The following KIRREL3 variants were observed in gnomAD, a reference collection of about 807,000 sequenced individuals.
The protein encoded by KIRREL3 is kirre like nephrin family adhesion molecule 3.
A neutral mutation model predicts 89.7 loss-of-function variants in KIRREL3; 36 were observed. The observed-to-expected ratio is 0.40, with a 90% CI of 0.31 to 0.53. The LOEUF is 0.53. Among genes scored for constraint, KIRREL3 ranks in the 20% least tolerant of loss-of-function variants. KIRREL3 has a pLI of 0.49. For synonymous variants in KIRREL3, 445 were observed against 441.4 expected (o/e 1.01, Z -0.10); for missense variants, 864 against 1,056.6 (o/e 0.82, Z 2.53).
In KIRREL3 at chr11:126,430,400, G is replaced by C. The variant is rs536425567; in HGVS notation, c.1696+1019C>G. 6.6e-6 allele frequency among the ~76,000 whole-genome samples: 1 copy of C among 152,118 alleles called. No individual in the cohort carries two copies. The highest frequency in any genetic ancestry group is 2.1e-4 in the South Asian group (1 of 4,828). ...GCGGAGGTTGCAGTGAGCTGAGATCGTGTCACTGCACTTCAGCCTGGCCAA... is the reference window on the plus strand; with the variant it reads ...GCGGAGGTTGCAGTGAGCTGAGATCCTGTCACTGCACTTCAGCCTGGCCAA... On this transcript the variant is annotated intron_variant, in intron 14 of 16. Transcript: ENST00000525144. This position sits in a 1 kb window ranked among gnomAD's most constrained non-coding sequence, Gnocchi z 6.6.
chr11:126,686,539 G>A lies in KIRREL3; in HGVS notation c.56-123627C>T, dbSNP rs541947455. On this transcript the variant is annotated intron_variant, in intron 1 of 16. Transcript: ENST00000525144. The surrounding 1 kb of genome is among the most constrained non-coding windows in gnomAD (Gnocchi z 4.7). ...CGGGGAGGGTGGGGAGGGACTGTGC[G>A]TTCCTGCGCATGTTACCCTACACTG... 7.9e-5 allele frequency among the ~76,000 whole-genome samples: 12 copies of A among 152,162 alleles called. No individual in the cohort carries two copies. The highest frequency in any genetic ancestry group is 2.1e-4 in the South Asian group (1 of 4,806).
chr11:126,950,781 A>G (rs1948753899), intron 1 of KIRREL3, among the ~76,000 whole-genome samples: 1 of 152,208 alleles, frequency 6.6e-6, no homozygotes, highest in Non-Finnish European at 1.5e-5. Flanking sequence ...CAGCTTCTTA[A>G]GAGTCCCATT....
chr11:126,425,816 G>A (rs1565439603), intron 15 of KIRREL3, 92 bp from the exon 16 acceptor site: 2 of 1,030,050 alleles, frequency 1.9e-6, no homozygotes, highest in Admixed American at 2.1e-5. Flanking sequence ...TCAAAAGATT[G>A]CCCTGTATAA....
rs1166214016 is a variant in KIRREL3 at position 126,587,999 on chromosome 11, G to A, written c.56-25087C>T. ...ACTGGAAGACTCAGATCTAGGGCTC[G>A]GGGGAAAGCATTGGGCCATGAGGTA... is the stretch of plus-strand genomic sequence containing the variant. On this transcript the variant is annotated intron_variant, in intron 1 of 16. Transcript: ENST00000525144. This position sits in a 1 kb window ranked among gnomAD's most constrained non-coding sequence, Gnocchi z 5.2. 6.6e-6 allele frequency among the ~76,000 whole-genome samples: 1 copy of A among 152,128 alleles called. No individual in the cohort carries two copies.
chr11:126,947,253 C>T (rs979923943), intron 1 of KIRREL3, among the ~76,000 whole-genome samples: 1 of 152,198 alleles, frequency 6.6e-6, no homozygotes, highest in East Asian at 1.9e-4. Flanking sequence ...CTGAACACTG[C>T]TACTGCTATT....
rs1161925604 is a variant in KIRREL3 at position 126,587,065 on chromosome 11, A to T, written c.56-24153T>A. On this transcript the variant is annotated intron_variant, in intron 1 of 16. Coordinates refer to ENST00000525144, the MANE Select transcript of KIRREL3 (RefSeq NM_032531.4). The surrounding 1 kb of genome is among the most constrained non-coding windows in gnomAD (Gnocchi z 5.2). ...AGGGAGCTGGGAGTCAGTGGGAGAG[A>T]TGAATAAACAGGCAACGACGATGCA... Among the ~76,000 whole-genome samples the T allele has an allele frequency of 6.6e-6, 1 of 152,134 alleles. No homozygotes were observed. The highest frequency in any genetic ancestry group is 1.5e-5 in the Non-Finnish European group (1 of 68,032).
chr11:126,529,460 G>A (rs1958871187), intron 2 of KIRREL3, among the ~76,000 whole-genome samples: 1 of 152,108 alleles, frequency 6.6e-6, no homozygotes, highest in Admixed American at 6.5e-5. Flanking sequence ...ATGGGATGGG[G>A]CTGAGCGGGA....
intron 1 of KIRREL3, among the ~76,000 whole-genome samples, chr11:126,588,713 G>T (rs1487102614): frequency 6.6e-6 from 1 of 152,196 alleles, no homozygotes; most frequent in Non-Finnish European, 1.5e-5. Flanking sequence ...TGGTTCAAAG[G>T]TAAGGCCTAC....
In KIRREL3 at chr11:126,676,465, G is replaced by A. The variant is rs892459757; in HGVS notation, c.56-113553C>T. ...CTCTGCAGTTGGCCACACTGAGGCTGTTCTTTGACCAGTGTTTCTCAAATT... is the reference window on the plus strand; with the variant it reads ...CTCTGCAGTTGGCCACACTGAGGCTATTCTTTGACCAGTGTTTCTCAAATT... On this transcript the variant is annotated intron_variant, in intron 1 of 16. Transcript: ENST00000525144. This position sits in a 1 kb window ranked among gnomAD's most constrained non-coding sequence, Gnocchi z 4.5. 9.9e-5 allele frequency among the ~76,000 whole-genome samples: 15 copies of A among 152,278 alleles called. 1 individual carries two copies. In the East Asian group the frequency reaches 2.5e-3, roughly 25 times the overall value.
chr11:126,936,618 C>T (rs2135086826), intron 1 of KIRREL3: 1 of 149,508 alleles, frequency 6.7e-6, no homozygotes, highest in South Asian at 2.1e-4. Context: ...TACACGGATG[C>T]ACCTCAAAAC....
upstream of KIRREL3, chr11:127,003,348 G>T (rs1950349695): frequency 6.5e-6 from 1 of 152,686 alleles, no homozygotes; most frequent in Non-Finnish European, 1.5e-5. Flanking sequence ...CCTCCTCCGG[G>T]GGCTCGGTTA....
rs543907431 is a variant in KIRREL3, at chr11:126,475,397, G to C, written c.434-1931C>G. On this transcript the variant is annotated intron_variant, in intron 4 of 16. Coordinates refer to ENST00000525144, the MANE Select transcript of KIRREL3 (RefSeq NM_032531.4). The surrounding 1 kb of genome is among the most constrained non-coding windows in gnomAD (Gnocchi z 7.5). ...GGGACAGGAAGCCCCAGTGGGGGCCGGTAAGAAGCCAAGAAGCAAACCTTC... is the reference window on the plus strand; with the variant it reads ...GGGACAGGAAGCCCCAGTGGGGGCCCGTAAGAAGCCAAGAAGCAAACCTTC... Among the ~76,000 whole-genome samples, 59 of 152,342 alleles carry C rather than the reference G, an allele frequency of 3.9e-4. No individual in the cohort carries two copies. The East Asian group carries it at 0.011, about 28-fold the overall frequency.
At chr11:126,701,343 C>T (rs750891056) in intron 1 of KIRREL3, among the ~76,000 whole-genome samples, 13 of 152,170 alleles carry the variant, frequency 8.5e-5, no homozygotes, top group Middle Eastern at 3.4e-3. Context: ...TGAGCAGCAC[C>T]GAGCCCCCTG....
chr11:126,913,698 C>T (rs943521703), intron 1 of KIRREL3, among the ~76,000 whole-genome samples: 1 of 152,224 alleles, frequency 6.6e-6, no homozygotes, highest in African/African-American at 2.4e-5. Context: ...GTCAGTTTCT[C>T]TTATCAGAAG....
chr11:126,700,552 ACTAATCT>A (rs1463885961), intron 1 of KIRREL3, among the ~76,000 whole-genome samples: 1 of 152,138 alleles, frequency 6.6e-6, no homozygotes, highest in African/African-American at 2.4e-5. Context: ...ATCTCCCTTT[ACTAATCT>A]CTGCTGCTGT....
At position 126,498,847 on chromosome 11, in the gene KIRREL3, C is replaced by A. The variant is rs568528390; in HGVS notation, c.433+22468G>T. ...GTTCTTCACAGGCTCAGGACCTCGA[C>A]GCACGGAAACTTCTGGATCATTAAA... On this transcript the variant is annotated intron_variant, in intron 4 of 16. Coordinates refer to ENST00000525144, the MANE Select transcript of KIRREL3 (RefSeq NM_032531.4). This position sits in a 1 kb window ranked among gnomAD's most constrained non-coding sequence, Gnocchi z 4.3. Among the ~76,000 whole-genome samples, 3 of 152,300 alleles carry A rather than the reference C, an allele frequency of 2.0e-5. No individual in the cohort carries two copies. Among genetic ancestry groups the A allele is most frequent in the East Asian group, 1.9e-4 (1 of 5,174 alleles).
chr11:126,593,935 G>T (rs1344826699), intron 1 of KIRREL3, among the ~76,000 whole-genome samples: 2 of 152,194 alleles, frequency 1.3e-5, no homozygotes, highest in Non-Finnish European at 2.9e-5. Flanking sequence ...CACCCAGAGG[G>T]CAAGGCCAGG....
At position 126,917,783 on chromosome 11, in the gene KIRREL3, C is replaced by G. The variant is rs1378899905; in HGVS notation, c.55+82672G>C. On this transcript the variant is annotated intron_variant, in intron 1 of 16. Transcript: ENST00000525144. The surrounding 1 kb of genome is among the most constrained non-coding windows in gnomAD (Gnocchi z 5.0). ...CAACCAATACTTTTCTGCCACTCCA[C>G]TCATTGTCTAACCTTAGGCATGGAC... 6.6e-6 allele frequency among the ~76,000 whole-genome samples: 1 copy of G among 152,242 alleles called. No individual in the cohort carries two copies. The highest frequency in any genetic ancestry group is 1.5e-5 in the Non-Finnish European group (1 of 68,050).
At chr11:126,650,308 C>T (rs1324862698) in intron 1 of KIRREL3, among the ~76,000 whole-genome samples, 1 of 152,218 alleles carries the variant, frequency 6.6e-6, no homozygotes, top group East Asian at 1.9e-4. Context: ...TTTCTGCAGC[C>T]AGCTTGTATT....
Sources: allele counts gnomAD v4.1 joint callset (sites outside exome capture counted in the v4.1 genomes callset), GRCh38; gene constraint gnomAD v4.1.1; non-coding constraint Gnocchi (gnomAD v3.1); transcripts MANE v1.5; gene names NCBI Gene and HGNC (gene_info 2026-07-23, HGNC 2026-07-21).